PTPRT: variants seen among roughly 807,000 people sequenced by gnomAD.
PTPRT encodes protein tyrosine phosphatase receptor type T.
PTPRT carries 56 observed loss-of-function variants against 176.8 expected under a neutral mutation model. That is an observed-to-expected ratio of 0.32 (90% CI 0.26 to 0.40). The LOEUF (loss-of-function observed/expected upper bound fraction) is 0.40, where lower values mean the gene tolerates loss of function less well. PTPRT is among the 10% of genes least tolerant of loss of function. The pLI, the probability that PTPRT is intolerant of heterozygous loss-of-function variation, is 1.00. For synonymous variants in PTPRT, 783 were observed against 739.0 expected (o/e 1.06, Z -0.96); for missense variants, 1,540 against 1,908.2 (o/e 0.81, Z 3.60).
At chr20:43,074,071 C>G (rs988829701) in intron 1 of PTPRT, among the ~76,000 whole-genome samples, 1 of 152,074 alleles carries the variant, frequency 6.6e-6, no homozygotes, top group Non-Finnish European at 1.5e-5. Context: ...GCTTTATATA[C>G]AAACATATAG....
intron 7 of PTPRT, among the ~76,000 whole-genome samples, chr20:42,585,747 T>C (rs2073459958): frequency 6.6e-6 from 1 of 152,208 alleles, no homozygotes; most frequent in South Asian, 2.1e-4. Flanking sequence ...GATTGCTTTA[T>C]GATTTCAGTT....
In PTPRT at chr20:42,076,628, G is replaced by T. The variant is rs752534342; in HGVS notation, c.*4251C>A. 30 of 195,192 alleles carry T rather than the reference G, an allele frequency of 1.5e-4. No individual in the cohort carries two copies. The highest frequency in any genetic ancestry group is 2.2e-4 in the Non-Finnish European group (21 of 93,884). The allele number at this position is 195,192 out of a possible 1,614,324, so 12.1% of individuals were successfully genotyped here. On this transcript the variant is annotated 3_prime_UTR_variant, in exon 31 of 31. Coordinates refer to ENST00000373187, the MANE Select transcript of PTPRT (RefSeq NM_007050.6). ...CTATAACTGGCTCTGGGAGGCAGCAGGGTCACTGCTCCTAGAGTCAATTCT... is the reference window on the plus strand; with the variant it reads ...CTATAACTGGCTCTGGGAGGCAGCATGGTCACTGCTCCTAGAGTCAATTCT...
At chr20:42,309,658 T>C (rs554099451) in intron 12 of PTPRT, among the ~76,000 whole-genome samples, 63 of 152,338 alleles carry the variant, frequency 4.1e-4, no homozygotes, top group Admixed American at 1.2e-3. Context: ...TATATATTAC[T>C]ATTTCAATTT....
intron 9 of PTPRT, among the ~76,000 whole-genome samples, chr20:42,413,818 C>T (rs2059038940): frequency 6.6e-6 from 1 of 152,148 alleles, no homozygotes; most frequent in East Asian, 1.9e-4. Flanking sequence ...CACCTTCCTA[C>T]CAGCCCAGAA....
intron 15 of PTPRT, among the ~76,000 whole-genome samples, chr20:42,229,638 T>A (rs370282434): frequency 2.6e-5 from 4 of 152,232 alleles, no homozygotes; most frequent in South Asian, 4.1e-4. Flanking sequence ...CCCTACTATG[T>A]GCTAGGCATT....
At chr20:42,296,514 T>G (rs576925937) in intron 12 of PTPRT, among the ~76,000 whole-genome samples, 1 of 151,196 alleles carries the variant, frequency 6.6e-6, no homozygotes, top group Non-Finnish European at 1.5e-5. Flanking sequence ...AATACAAGAC[T>G]TCCTAAATAC....
At chr20:42,143,194 C>T (rs1600582245) in intron 17 of PTPRT, among the ~76,000 whole-genome samples, 1 of 152,220 alleles carries the variant, frequency 6.6e-6, no homozygotes, top group East Asian at 1.9e-4. Context: ...TTACAAAGTA[C>T]AATCTGGCTC....
At chr20:42,411,578 G>C (rs1303971978) in intron 9 of PTPRT, among the ~76,000 whole-genome samples, 1 of 145,884 alleles carries the variant, frequency 6.9e-6, no homozygotes, top group African/African-American at 2.5e-5. Flanking sequence ...CAAGTCTCTA[G>C]CCAGACTGAT....
intron 7 of PTPRT, among the ~76,000 whole-genome samples, chr20:42,521,681 C>T (rs1025791184): frequency 3.9e-5 from 6 of 152,160 alleles, no homozygotes. Context: ...ACAATATTAT[C>T]TGATTTCCTG....
At chr20:43,030,936 C>G (rs1600661061) in intron 1 of PTPRT, among the ~76,000 whole-genome samples, 1 of 152,182 alleles carries the variant, frequency 6.6e-6, no homozygotes, top group Non-Finnish European at 1.5e-5. Context: ...AGGAGGTTTA[C>G]TGAGGAGAGC....
At chr20:42,955,412 A>G (rs898456831) in intron 1 of PTPRT, among the ~76,000 whole-genome samples, 2 of 152,274 alleles carry the variant, frequency 1.3e-5, no homozygotes, top group Admixed American at 1.3e-4. Context: ...GCATCTTTTA[A>G]CAGGCTGTGG....
chr20:42,471,366 A>C (rs1158999982), intron 8 of PTPRT, among the ~76,000 whole-genome samples: 1 of 152,098 alleles, frequency 6.6e-6, no homozygotes, highest in Non-Finnish European at 1.5e-5. Context: ...GGATCATGGA[A>C]GTGGATCCCT....
chr20:42,240,418 A>T (rs1456551424), intron 14 of PTPRT, among the ~76,000 whole-genome samples: 1 of 152,232 alleles, frequency 6.6e-6, no homozygotes, highest in Non-Finnish European at 1.5e-5. Flanking sequence ...GAAACCAAAA[A>T]TCCTGAGCAG....
chr20:42,858,150 G>A (rs1438966327), intron 2 of PTPRT, among the ~76,000 whole-genome samples: 1 of 152,056 alleles, frequency 6.6e-6, no homozygotes, highest in Non-Finnish European at 1.5e-5. Flanking sequence ...GCTACTTTGG[G>A]GCAGACTGAG....
At chr20:42,678,183 G>T in intron 6 of PTPRT, 24 bp from the exon 7 acceptor site, 1 of 1,600,542 alleles carries the variant, frequency 6.2e-7, no homozygotes, top group Non-Finnish European at 8.5e-7. Context: ...AATCAAAAAG[G>T]ACTGTCAGAT....
In PTPRT at chr20:42,463,894, T is replaced by C. The variant is rs181681442; in HGVS notation, c.1450+8372A>G. 4.6e-3 allele frequency among the ~76,000 whole-genome samples: 706 copies of C among 152,308 alleles called. 6 individuals are homozygous for C. The highest frequency in any genetic ancestry group is 0.016 in the African/African-American group (678 of 41,570). ...TATTTCCTAGTCGTGTTGGAGAAAA[T>C]ACATTTGTTCCAGATAAATCTTTAC... On this transcript the variant is annotated intron_variant, in intron 8 of 30. Transcript: ENST00000373187.
intron 6 of PTPRT, among the ~76,000 whole-genome samples, chr20:42,724,634 G>A (rs558050301): frequency 1.3e-5 from 2 of 152,104 alleles, no homozygotes; most frequent in Non-Finnish European, 2.9e-5. Flanking sequence ...TCATATCCCT[G>A]TAAATAATCT....
At chr20:42,855,391 C>T (rs2078543247) in intron 2 of PTPRT, among the ~76,000 whole-genome samples, 1 of 150,402 alleles carries the variant, frequency 6.6e-6, no homozygotes, top group South Asian at 2.1e-4. Context: ...TTAAGTGCCA[C>T]CTGGGCCAAA....
intron 18 of PTPRT, among the ~76,000 whole-genome samples, chr20:42,137,769 T>C (rs896410558): frequency 6.6e-6 from 1 of 152,152 alleles, no homozygotes; most frequent in African/African-American, 2.4e-5. Context: ...CCTAGAGCCA[T>C]CTGATGGGTG....
Sources: gnomAD v4.1 joint callset for allele counts (sites outside exome capture counted in the v4.1 genomes callset) on GRCh38, gnomAD v4.1.1 for gene constraint, MANE v1.5 for transcripts, NCBI Gene and HGNC (gene_info 2026-07-23, HGNC 2026-07-21) for gene names.